CHSY3: variants seen among roughly 807,000 people sequenced by gnomAD.
The protein encoded by CHSY3 is N-acetylgalactosaminyl-proteoglycan 3-beta-glucuronosyltransferase 3.
In CHSY3, 35 loss-of-function variants were observed where a neutral mutation model predicts 67.2. The observed-to-expected ratio is 0.52, with a 90% CI of 0.40 to 0.69. The LOEUF (loss-of-function observed/expected upper bound fraction) is 0.69, where lower values mean the gene tolerates loss of function less well. CHSY3 is among the 30% of genes least tolerant of loss of function. CHSY3 has a pLI of 0.00. For synonymous variants in CHSY3, 474 were observed against 434.7 expected (o/e 1.09, Z -1.12); for missense variants, 1,069 against 1,138.5 (o/e 0.94, Z 0.88).
intron 2 of CHSY3, among the ~76,000 whole-genome samples, chr5:130,044,473 G>A (rs1354275558): frequency 6.6e-6 from 1 of 152,096 alleles, no homozygotes; most frequent in Non-Finnish European, 1.5e-5. Context: ...ACAGAGGAAA[G>A]CAGATGAAGT....
At chr5:129,923,079 C>T (rs1248106546) in intron 2 of CHSY3, among the ~76,000 whole-genome samples, 1 of 152,004 alleles carries the variant, frequency 6.6e-6, no homozygotes, top group Non-Finnish European at 1.5e-5. Context: ...ACAGCTATTT[C>T]CCCAGACCCA....
At chr5:129,930,144 C>T (rs1003297800) in intron 2 of CHSY3, among the ~76,000 whole-genome samples, 3 of 151,954 alleles carry the variant, frequency 2.0e-5, no homozygotes, top group African/African-American at 7.2e-5. Context: ...ACCATCCTGG[C>T]CAACATAGTG....
At chr5:130,157,556 T>C (rs1019413679) in intron 2 of CHSY3, among the ~76,000 whole-genome samples, 4 of 152,190 alleles carry the variant, frequency 2.6e-5, no homozygotes, top group African/African-American at 7.2e-5. Flanking sequence ...TTTCGTTTAG[T>C]AGAGAAAAAT....
At chr5:130,094,376 A>G in intron 2 of CHSY3, among the ~76,000 whole-genome samples, 1 of 152,220 alleles carries the variant, frequency 6.6e-6, no homozygotes, top group East Asian at 1.9e-4. Flanking sequence ...AACAAATGGC[A>G]GTTTGTAGCT....
At chr5:129,923,873 CTT>C (rs1388632805) in intron 2 of CHSY3, among the ~76,000 whole-genome samples, 1 of 152,186 alleles carries the variant, frequency 6.6e-6, no homozygotes, top group Non-Finnish European at 1.5e-5. Context: ...AGCTGAATAA[CTT>C]TCCCAGATTA....
intron 2 of CHSY3, among the ~76,000 whole-genome samples, chr5:130,055,376 G>A (rs1012991599): frequency 2.0e-5 from 3 of 151,116 alleles, no homozygotes; most frequent in Non-Finnish European, 4.4e-5. Flanking sequence ...TTTATGATAC[G>A]TGGCTACAAT....
chr5:130,107,222 A>G (rs1341971141), intron 2 of CHSY3, among the ~76,000 whole-genome samples: 1 of 151,356 alleles, frequency 6.6e-6, no homozygotes, highest in Non-Finnish European at 1.5e-5. Context: ...CTTCACCTAT[A>G]AAAACAGAAA....
At chr5:129,918,447 G>A (rs1760804274) in intron 2 of CHSY3, among the ~76,000 whole-genome samples, 1 of 152,132 alleles carries the variant, frequency 6.6e-6, no homozygotes, top group African/African-American at 2.4e-5. Context: ...AAGCTTAAAT[G>A]GGTAATTTTG....
chr5:130,086,468 T>G (rs1198463722), intron 2 of CHSY3, among the ~76,000 whole-genome samples: 1 of 152,082 alleles, frequency 6.6e-6, no homozygotes. Context: ...GCTTGGTAGA[T>G]CTTCCTCCAT....
chr5:130,006,736 TA>T (rs773625142), intron 2 of CHSY3, among the ~76,000 whole-genome samples: 20 of 152,346 alleles, frequency 1.3e-4, no homozygotes, highest in Non-Finnish European at 2.5e-4. Context: ...ATATCATTTT[TA>T]AAATTTAATA....
intron 2 of CHSY3, among the ~76,000 whole-genome samples, chr5:130,056,306 C>T (rs1393857665): frequency 2.0e-5 from 3 of 150,988 alleles, no homozygotes; most frequent in Middle Eastern, 3.5e-3. Context: ...CTGACAGCTT[C>T]GTGTTCACTT....
chr5:130,177,706 A>T (rs1357296054), intron 2 of CHSY3, among the ~76,000 whole-genome samples: 1 of 152,142 alleles, frequency 6.6e-6, no homozygotes, highest in Non-Finnish European at 1.5e-5. Context: ...AAAATTTCAC[A>T]GTGGTGTGCT....
intron 2 of CHSY3, among the ~76,000 whole-genome samples, chr5:130,166,312 T>C (rs1769745532): frequency 6.6e-6 from 1 of 152,196 alleles, no homozygotes. Flanking sequence ...TTTACTCTTT[T>C]ACCAAAGCTA....
intron 2 of CHSY3, among the ~76,000 whole-genome samples, chr5:130,180,430 AG>A (rs1770209272): frequency 6.6e-6 from 1 of 152,222 alleles, no homozygotes; most frequent in Non-Finnish European, 1.5e-5. Context: ...AAATTTATAC[AG>A]TTATACAATC....
intron 2 of CHSY3, among the ~76,000 whole-genome samples, chr5:129,979,586 C>T (rs546410291): frequency 6.6e-6 from 1 of 152,094 alleles, no homozygotes; most frequent in East Asian, 1.9e-4. Context: ...TTGTTACAAT[C>T]GATGAGCCTG....
intron 2 of CHSY3, among the ~76,000 whole-genome samples, chr5:130,098,202 C>A (rs1767114951): frequency 6.6e-6 from 1 of 152,124 alleles, no homozygotes; most frequent in Admixed American, 6.5e-5. Context: ...TAGCCTTACC[C>A]TCTTCCCTCC....
In CHSY3 at chr5:129,904,821, A is replaced by T; in HGVS notation, c.-9A>T. The T allele has an allele frequency of 7.1e-7, 1 of 1,399,370 alleles. No individual in the cohort carries two copies. The highest frequency in any genetic ancestry group is 9.3e-7 in the Non-Finnish European group (1 of 1,074,300). 86.7% of individuals were successfully genotyped at this position (1,399,370 alleles called of 1,614,324 possible). ...AGCCCAGCGAGCGTCCGCGCCCGGGACAGCCGCGATGGCTGTGCGCTCTCG... is the reference window on the plus strand; with the variant it reads ...AGCCCAGCGAGCGTCCGCGCCCGGGTCAGCCGCGATGGCTGTGCGCTCTCG... On this transcript the variant is annotated 5_prime_UTR_variant, in exon 1 of 3. Coordinates refer to ENST00000305031, the MANE Select transcript of CHSY3 (RefSeq NM_175856.5).
rs576211123 is a variant in CHSY3, at chr5:130,092,381, C to T, written c.1087-91848C>T. 5.3e-5 allele frequency among the ~76,000 whole-genome samples: 8 copies of T among 152,142 alleles called. No individual in the cohort carries two copies. The South Asian group carries it at 8.3e-4, about 16-fold the overall frequency. ...ATAAGCTAGACCTGCATAAGTGGGCCGAAACCCACTGTGAATTCATCATAG... is the reference window on the plus strand; with the variant it reads ...ATAAGCTAGACCTGCATAAGTGGGCTGAAACCCACTGTGAATTCATCATAG... On this transcript the variant is annotated intron_variant, in intron 2 of 2. Transcript: ENST00000305031.
intron 2 of CHSY3, among the ~76,000 whole-genome samples, chr5:129,954,571 T>A (rs1176030842): frequency 6.6e-6 from 1 of 152,024 alleles, no homozygotes; most frequent in Non-Finnish European, 1.5e-5. Context: ...ATTACTTTGG[T>A]CCGTATGGCC....
Sources: gnomAD v4.1 joint callset for allele counts (sites outside exome capture counted in the v4.1 genomes callset) on GRCh38, gnomAD v4.1.1 for gene constraint, MANE v1.5 for transcripts, NCBI Gene and HGNC (gene_info 2026-07-23, HGNC 2026-07-21) for gene names.